Variants in VWA3B observed in about 807,000 individuals in gnomAD.
The protein encoded by VWA3B is von Willebrand factor A domain containing 3B.
Under a neutral mutation model 158.3 loss-of-function variants are expected in VWA3B, and 138 were observed. That is an observed-to-expected ratio of 0.87 (90% CI 0.76 to 1.00). The LOEUF (loss-of-function observed/expected upper bound fraction) is 1.00. Among genes scored for constraint, VWA3B ranks in the 50% least tolerant of loss-of-function variants. The pLI is 0.00. For missense variants in VWA3B, 1,555 were observed against 1,565.1 expected (o/e 0.99, Z 0.11); for synonymous variants, 596 against 587.3 (o/e 1.01, Z -0.21).
At chr2:98,198,190 G>A (rs1682224892) in intron 12 of VWA3B, among the ~76,000 whole-genome samples, 1 of 151,918 alleles carries the variant, frequency 6.6e-6, no homozygotes, top group South Asian at 2.1e-4. Flanking sequence ...CATTTGTAAT[G>A]AACTTATTTG....
chr2:98,129,259 G>GTGTGTGTGTGTGTGT (rs1491368601), intron 6 of VWA3B, among the ~76,000 whole-genome samples: 1 of 148,016 alleles, frequency 6.8e-6, no homozygotes, highest in Non-Finnish European at 1.5e-5. Flanking sequence ...GTGTGTGTGT[G>GTGTGTGTGTGTGTGT]GAGAGAGAGG....
At chr2:98,176,037 C>T (rs1679986446) in intron 8 of VWA3B, among the ~76,000 whole-genome samples, 1 of 152,216 alleles carries the variant, frequency 6.6e-6, no homozygotes, top group African/African-American at 2.4e-5. Context: ...CTGTCGCCAC[C>T]TGGCTCCCGG....
At chr2:98,087,686 C>T (rs777650510) in intron 1 of VWA3B, among the ~76,000 whole-genome samples, 1 of 152,152 alleles carries the variant, frequency 6.6e-6, no homozygotes, top group Non-Finnish European at 1.5e-5. Flanking sequence ...GCCAGCAGTT[C>T]AAGGTGATGA....
chr2:98,216,893 C>T lies in VWA3B; in HGVS notation c.1837-953C>T, dbSNP rs188493449. ...GGCAGTGCTGGATGAGCTTCAAGCCCAAGTCTCTCGCTCTGGAGCTGTTTC... is the reference window on the plus strand; with the variant it reads ...GGCAGTGCTGGATGAGCTTCAAGCCTAAGTCTCTCGCTCTGGAGCTGTTTC... On this transcript the variant is annotated intron_variant, in intron 13 of 27. Coordinates refer to ENST00000477737, the MANE Select transcript of VWA3B (RefSeq NM_144992.5). 1.0e-5 allele frequency: 13 copies of T among 1,285,748 alleles called. No individual in the cohort carries two copies. The Admixed American group carries it at 3.0e-4, about 30-fold the overall frequency. 79.6% of individuals were successfully genotyped at this position (1,285,748 alleles called of 1,614,324 possible).
At chr2:98,248,817 CTTTCTT>C in intron 19 of VWA3B, among the ~76,000 whole-genome samples, 1 of 148,262 alleles carries the variant, frequency 6.7e-6, no homozygotes, top group Non-Finnish European at 1.5e-5. Flanking sequence ...CTCTCTTTCT[CTTTCTT>C]TTTCTTTCTT....
intron 23 of VWA3B, 141 bp downstream of exon 23, chr2:98,290,763 G>A: frequency 1.6e-6 from 1 of 643,780 alleles, no homozygotes; most frequent in Non-Finnish European, 2.7e-6. Context: ...CAGAGAAGAA[G>A]TGGAATATCT....
intron 8 of VWA3B, among the ~76,000 whole-genome samples, chr2:98,164,982 A>G (rs961384286): frequency 5.3e-5 from 8 of 152,192 alleles, no homozygotes; most frequent in Admixed American, 4.6e-4. Flanking sequence ...CACAACGACT[A>G]TCATAATCTT....
chr2:98,105,279 T>A (rs1683357823), intron 2 of VWA3B, among the ~76,000 whole-genome samples: 1 of 152,220 alleles, frequency 6.6e-6, no homozygotes. Flanking sequence ...TGTACATCCA[T>A]ACTTATATAT....
chr2:98,149,574 C>A (rs1037650740), intron 7 of VWA3B, among the ~76,000 whole-genome samples: 1 of 152,144 alleles, frequency 6.6e-6, no homozygotes, highest in African/African-American at 2.4e-5. Flanking sequence ...CTTATGCAAA[C>A]GTTTGATTGA....
intron 12 of VWA3B, among the ~76,000 whole-genome samples, chr2:98,200,526 C>T (rs1328334154): frequency 7.4e-6 from 1 of 134,390 alleles, no homozygotes; most frequent in Non-Finnish European, 1.5e-5. Flanking sequence ...CTAGGTGATA[C>T]AGCAAGACTC....
rs566038128 is a variant in VWA3B at position 98,278,178 on chromosome 2, T to C, written c.3045+7295T>C. ...ATTTTCCCTGACCCCTTCATGGGAC[T>C]TGCAAAGAGGGTGGCTTGTTTACTC... On this transcript the variant is annotated intron_variant, in intron 22 of 27. Transcript: ENST00000477737. Among the ~76,000 whole-genome samples, 5 of 152,302 alleles carry C rather than the reference T, an allele frequency of 3.3e-5. No individual in the cohort carries two copies. In the East Asian group the frequency reaches 9.7e-4, roughly 29 times the overall value.
intron 1 of VWA3B, 129 bp from the exon 2 acceptor site, chr2:98,092,932 G>A (rs1181096153): frequency 1.8e-6 from 1 of 563,276 alleles, no homozygotes; most frequent in African/African-American, 1.9e-5. Flanking sequence ...AAATATACAT[G>A]TATAATTTTA....
At chr2:98,185,452 T>A (rs1269819102) in intron 9 of VWA3B, among the ~76,000 whole-genome samples, 1 of 152,220 alleles carries the variant, frequency 6.6e-6, no homozygotes, top group African/African-American at 2.4e-5. Context: ...ACAGCCACGA[T>A]ATATAATGCC....
Position 98,311,830 on chromosome 2 carries a change from A to C in VWA3B, c.3533A>C (p.Glu1178Ala). 6.2e-7 allele frequency: 1 copy of C among 1,605,950 alleles called. No homozygotes were observed. Among genetic ancestry groups the C allele is most frequent in the Non-Finnish European group, 8.5e-7 (1 of 1,176,316 alleles). Reference sequence around the variant, plus strand: ...CTCTCTGTCTCTAGAGAGGATGTGGAGGCGAGGAACTCTGCTTTCCTCTTC... The same window carrying C: ...CTCTCTGTCTCTAGAGAGGATGTGGCGGCGAGGAACTCTGCTTTCCTCTTC... ...IPEDPEVEDV[E>A]ARNSAFLFWP... The change falls in exon 27 of 28, where the codon GAG becomes GCG. Residue 1178 changes from glutamate (E) to alanine (A), a missense_variant. Transcript: ENST00000477737.
At chr2:98,233,639 T>C (rs1361460139) in intron 16 of VWA3B, among the ~76,000 whole-genome samples, 1 of 152,200 alleles carries the variant, frequency 6.6e-6, no homozygotes, top group Non-Finnish European at 1.5e-5. Context: ...AAAACAATGA[T>C]TACCGTATAG....
rs371064774 is a variant in VWA3B at position 98,124,145 on chromosome 2, T to C, written c.702+2687T>C. On this transcript the variant is annotated intron_variant, in intron 5 of 27. Transcript: ENST00000477737. Reference sequence around the variant, plus strand: ...TGACCCTGGCAGTTCATTTATTTCCTTTTAGTGGTTCAGGCAGGCATCAGA... The same window carrying C: ...TGACCCTGGCAGTTCATTTATTTCCCTTTAGTGGTTCAGGCAGGCATCAGA... Among the ~76,000 whole-genome samples, 78 of 152,366 alleles carry C rather than the reference T, an allele frequency of 5.1e-4. No individual in the cohort carries two copies. In the South Asian group the frequency reaches 0.016, roughly 32 times the overall value.
intron 8 of VWA3B, among the ~76,000 whole-genome samples, chr2:98,174,914 C>G (rs1679879238): frequency 6.6e-6 from 1 of 152,150 alleles, no homozygotes. Flanking sequence ...AATCTCTGTT[C>G]AATTATTAGC....
chr2:98,089,385 G>GT (rs1559522518), intron 1 of VWA3B, among the ~76,000 whole-genome samples: 1 of 152,126 alleles, frequency 6.6e-6, no homozygotes, highest in Non-Finnish European at 1.5e-5. Context: ...GCTGCGGAAG[G>GT]TTGTGAAGGG....
rs576054991 is a variant in VWA3B, at chr2:98,132,454, C to T, written c.873-1370C>T. 2.6e-5 allele frequency among the ~76,000 whole-genome samples: 4 copies of T among 152,356 alleles called. No homozygotes were observed. In the South Asian group the frequency reaches 8.3e-4, roughly 32 times the overall value. ...GACCCTCCAACTGGACTCCGGCTTC[C>T]CCTGTGCCAGAGGCTGTGTCTGGGT... is the stretch of plus-strand genomic sequence containing the variant. On this transcript the variant is annotated intron_variant, in intron 6 of 27. Coordinates refer to ENST00000477737, the MANE Select transcript of VWA3B (RefSeq NM_144992.5).
Sources: gnomAD v4.1 joint callset for allele counts (sites outside exome capture counted in the v4.1 genomes callset) on GRCh38, gnomAD v4.1.1 for gene constraint, MANE v1.5 for transcripts, NCBI Gene and HGNC (gene_info 2026-07-23, HGNC 2026-07-21) for gene names.